MAD1L1: variants seen among roughly 807,000 people sequenced by gnomAD.
The protein encoded by MAD1L1 is mitotic spindle assembly checkpoint protein MAD1.
A neutral mutation model predicts 96.9 loss-of-function variants in MAD1L1; 95 were observed. The ratio of observed to expected loss-of-function variants is 0.98; its 90% confidence interval spans 0.83 to 1.16. The LOEUF is 1.16. Ranked by LOEUF, MAD1L1 falls within the 50% of genes most tolerant of loss-of-function variation. The pLI is 0.00. For missense variants in MAD1L1, 1,007 were observed against 954.4 expected (o/e 1.06, Z -0.73); for synonymous variants, 473 against 396.6 (o/e 1.19, Z -2.29).
At chr7:2,018,912 CA>C (rs1782661169) in intron 12 of MAD1L1, among the ~76,000 whole-genome samples, 1 of 152,168 alleles carries the variant, frequency 6.6e-6, no homozygotes, top group Admixed American at 6.5e-5. Context: ...GGCCTCTTCC[CA>C]AGCCCATCCC....
intron 5 of MAD1L1, among the ~76,000 whole-genome samples, chr7:2,221,843 G>A (rs1793624772): frequency 6.6e-6 from 1 of 152,164 alleles, no homozygotes; most frequent in African/African-American, 2.4e-5. Context: ...GGGGAAATTG[G>A]AGCCCTCAGC....
At chr7:2,190,813 C>T (rs550054303) in intron 10 of MAD1L1, among the ~76,000 whole-genome samples, 1 of 152,190 alleles carries the variant, frequency 6.6e-6, no homozygotes, top group Admixed American at 6.5e-5. Flanking sequence ...ATTCGGGATG[C>T]GGGGCCAGCG....
At chr7:2,121,025 A>C (rs1444917044) in intron 11 of MAD1L1, among the ~76,000 whole-genome samples, 1 of 152,160 alleles carries the variant, frequency 6.6e-6, no homozygotes, top group South Asian at 2.1e-4. Context: ...GATGGGCCCA[A>C]GTGGAGTCGC....
chr7:1,869,961 A>G (rs146955735), intron 18 of MAD1L1, among the ~76,000 whole-genome samples: 1 of 152,258 alleles, frequency 6.6e-6, no homozygotes, highest in East Asian at 1.9e-4. Context: ...GCACTTCATA[A>G]GCCAAGGGGT....
intron 12 of MAD1L1, among the ~76,000 whole-genome samples, chr7:2,067,839 G>C (rs577886595): frequency 2.0e-5 from 3 of 152,138 alleles, no homozygotes; most frequent in African/African-American, 7.2e-5. Flanking sequence ...GCACCACCAC[G>C]GCGTCCACCT....
chr7:2,122,266 C>T (rs573966464), intron 11 of MAD1L1, among the ~76,000 whole-genome samples: 1 of 152,352 alleles, frequency 6.6e-6, no homozygotes, highest in South Asian at 2.1e-4. Flanking sequence ...CCTCGTGTGC[C>T]TTGCCTAATC....
intron 10 of MAD1L1, among the ~76,000 whole-genome samples, chr7:2,164,757 G>A (rs553328207): frequency 3.3e-5 from 5 of 152,318 alleles, no homozygotes; most frequent in Admixed American, 6.5e-5. Context: ...AAATTTAACT[G>A]AGCACCTGCT....
At chr7:2,009,853 AGT>A (rs1388524192) in intron 13 of MAD1L1, among the ~76,000 whole-genome samples, 1 of 152,120 alleles carries the variant, frequency 6.6e-6, no homozygotes, top group Non-Finnish European at 1.5e-5. Flanking sequence ...CGGTGCTCTA[AGT>A]GTGTGCTGCC....
chr7:1,830,732 A>G (rs555946044), intron 18 of MAD1L1, among the ~76,000 whole-genome samples: 2 of 152,346 alleles, frequency 1.3e-5, no homozygotes, highest in East Asian at 3.9e-4. Flanking sequence ...CGTGCCCTAA[A>G]TCCTAACACA....
chr7:2,099,642 A>G (rs1202314349), intron 11 of MAD1L1, among the ~76,000 whole-genome samples: 1 of 152,102 alleles, frequency 6.6e-6, no homozygotes, highest in Non-Finnish European at 1.5e-5. Flanking sequence ...AGAAGTCAGC[A>G]CTGGGAGATT....
chr7:2,054,985 G>A (rs1023412863), intron 12 of MAD1L1, among the ~76,000 whole-genome samples: 3 of 152,324 alleles, frequency 2.0e-5, no homozygotes, highest in East Asian at 3.9e-4. Flanking sequence ...GGAGCCGAGC[G>A]GTGGGGCCGG....
chr7:2,151,058 C>G (rs184484467), intron 10 of MAD1L1, among the ~76,000 whole-genome samples: 1 of 152,218 alleles, frequency 6.6e-6, no homozygotes, highest in Non-Finnish European at 1.5e-5. Flanking sequence ...CCTTGAACGC[C>G]GTGACCATTC....
intron 10 of MAD1L1, among the ~76,000 whole-genome samples, chr7:2,156,013 T>G (rs996600295): frequency 6.6e-6 from 1 of 152,206 alleles, no homozygotes; most frequent in Non-Finnish European, 1.5e-5. Context: ...AAGCTGATGC[T>G]GGGCAAAAAG....
chr7:1,940,988 T>TCCCAGGCCTCACCCTCCTCTTCCTC (rs1562545500), intron 16 of MAD1L1, among the ~76,000 whole-genome samples: 1 of 124,438 alleles, frequency 8.0e-6, no homozygotes. Context: ...CCTCTTCCTC[T>TCCCAGGCCTCACCCTCCTCTTCCTC]CCCAGGCCTC....
intron 11 of MAD1L1, among the ~76,000 whole-genome samples, chr7:2,139,491 G>A (rs1471572860): frequency 6.6e-6 from 1 of 152,254 alleles, no homozygotes; most frequent in East Asian, 1.9e-4. Context: ...GGTCTCAGGA[G>A]GAACCAGACA....
At chr7:1,980,305 T>C (rs1459406399) in intron 15 of MAD1L1, 148 bp downstream of exon 15, 2 of 633,594 alleles carry the variant, frequency 3.2e-6, no homozygotes, top group South Asian at 1.9e-5. Context: ...TCTTCCTCCG[T>C]GGGACACACC....
rs541220129 is a variant in MAD1L1 at position 2,042,641 on chromosome 7, G to A, written c.1218+26553C>T. On this transcript the variant is annotated intron_variant, in intron 12 of 18. Transcript: ENST00000265854. ...CTCACGAATGGCCCAGAGCCATCCC[G>A]AGTGAGGAGTGTTGTTGGAAAGATT... Among the ~76,000 whole-genome samples, 213 of 152,318 alleles carry A rather than the reference G, an allele frequency of 1.4e-3. 2 individuals are homozygous for A. The highest frequency in any genetic ancestry group is 4.8e-3 in the African/African-American group (198 of 41,564).
At chr7:1,903,977 G>A (rs1194342951) in intron 17 of MAD1L1, among the ~76,000 whole-genome samples, 5 of 122,472 alleles carry the variant, frequency 4.1e-5, no homozygotes, top group African/African-American at 5.7e-5. Context: ...ACTCATGATT[G>A]ATGAAGCACT....
rs1254760595 is a variant in MAD1L1, at chr7:1,887,861, A to G, written c.1998+10339T>C. Among the ~76,000 whole-genome samples, 912 of 132,240 alleles carry G rather than the reference A, an allele frequency of 6.9e-3. 13 individuals are homozygous for G. Among genetic ancestry groups the G allele is most frequent in the African/African-American group, 0.024 (815 of 34,430 alleles). 86.8% of individuals were successfully genotyped at this position (132,240 alleles called of 152,430 possible). A position where few individuals can be genotyped will look rare whatever the true frequency, so the allele number is the denominator to read the frequency against. On this transcript the variant is annotated intron_variant, in intron 18 of 18. Coordinates refer to ENST00000265854, the MANE Select transcript of MAD1L1 (RefSeq NM_001013836.2). Reference sequence around the variant, plus strand: ...TGGCGTCCTGTGCGTGTGTGTGTGCACGTGTGTGTGCAAGCATGCGTGTGT... The same window carrying G: ...TGGCGTCCTGTGCGTGTGTGTGTGCGCGTGTGTGTGCAAGCATGCGTGTGT...
Sources: allele counts gnomAD v4.1 joint callset (sites outside exome capture counted in the v4.1 genomes callset), GRCh38; gene constraint gnomAD v4.1.1; transcripts MANE v1.5; gene names NCBI Gene and HGNC (gene_info 2026-07-23, HGNC 2026-07-21).